Variants in EHBP1L1 observed in about 807,000 individuals in gnomAD.
EHBP1L1 encodes the protein EH domain binding protein 1 like 1, also known as EH domain-binding protein 1-like protein 1.
EHBP1L1 carries 122 observed loss-of-function variants against 151.1 expected under a neutral mutation model. The ratio of observed to expected loss-of-function variants is 0.81; its 90% confidence interval spans 0.70 to 0.94. The LOEUF is 0.94. Ranked by LOEUF, EHBP1L1 falls within the 40% of genes least tolerant of loss-of-function variation. The pLI, the probability that EHBP1L1 is intolerant of heterozygous loss-of-function variation, is 0.00. For synonymous variants in EHBP1L1, 878 were observed against 810.1 expected (o/e 1.08, Z -1.42); for missense variants, 1,941 against 1,959.8 (o/e 0.99, Z 0.18).
Position 65,585,184 on chromosome 11 carries a change from G to A in EHBP1L1, c.3526G>A (p.Gly1176Arg), listed in dbSNP as rs1277628263. Residue 1176 changes from glycine to arginine, a missense_variant, in exon 12 of 19, where the codon GGA becomes AGA. Gly to Arg is a moderately radical substitution (Grantham distance 125). Transcript: ENST00000309295. This position sits in a 1 kb window ranked among gnomAD's most constrained non-coding sequence, Gnocchi z 4.0. Reference sequence around the variant, plus strand: ...CAGCCCGCCCGACGACCTGGACGCCGGAGGCCTGGCGCAGCGGCTGCGCGG... The same window carrying A: ...CAGCCCGCCCGACGACCTGGACGCCAGAGGCCTGGCGCAGCGGCTGCGCGG... ...QPSPPDDLDA[G>R]GLAQRLRGHG... The A allele has an allele frequency of 1.6e-6, 2 of 1,279,920 alleles. No individual in the cohort carries two copies. Among genetic ancestry groups the A allele is most frequent in the African/African-American group, 1.6e-5 (1 of 62,374 alleles). 79.3% of individuals were successfully genotyped at this position (1,279,920 alleles called of 1,614,324 possible).
chr11:65,591,154 G>A (rs1858261064), intron 16 of EHBP1L1: 1 of 160,070 alleles, frequency 6.2e-6, no homozygotes, highest in Non-Finnish European at 1.4e-5. Flanking sequence ...GGGAGGCCGA[G>A]GCGGGCAGAT....
In EHBP1L1 at chr11:65,584,738, T is replaced by C. The variant is rs138542756; in HGVS notation, c.3300+204T>C. Reference sequence around the variant, plus strand: ...AGCGTTTTTCCTCCCTTAGATGGTTTTTCCAAAACCACCCTTTGGTAACGG... The same window carrying C: ...AGCGTTTTTCCTCCCTTAGATGGTTCTTCCAAAACCACCCTTTGGTAACGG... On this transcript the variant is annotated intron_variant, in intron 11 of 18. Coordinates refer to ENST00000309295, the MANE Select transcript of EHBP1L1 (RefSeq NM_001099409.3). 1.9e-5 allele frequency: 19 copies of C among 994,266 alleles called. No individual in the cohort carries two copies. The East Asian group carries it at 4.5e-4, about 23-fold the overall frequency. 61.6% of individuals were successfully genotyped at this position (994,266 alleles called of 1,614,324 possible). A position where few individuals can be genotyped will look rare whatever the true frequency, so the allele number is the denominator to read the frequency against.
intron 12 of EHBP1L1, among the ~76,000 whole-genome samples, chr11:65,587,615 A>C (rs1199687553): frequency 1.3e-5 from 2 of 152,244 alleles, no homozygotes; most frequent in African/African-American, 4.8e-5. Flanking sequence ...AAAAGGGGAG[A>C]TGTGTGTTTC....
rs774454462 is a variant in EHBP1L1 at position 65,581,130 on chromosome 11, A to G, written c.703+4A>G. 2 of 1,612,984 alleles carry G rather than the reference A, an allele frequency of 1.2e-6. No homozygotes were observed. Among genetic ancestry groups the G allele is most frequent in the Non-Finnish European group, 1.7e-6 (2 of 1,179,696 alleles). On this transcript the variant is annotated splice_donor_region_variant and intron_variant, in intron 7 of 18. Transcript: ENST00000309295. ...CAAGGACGACCCCAGCAGGCAGGTG[A>G]GACCCAGGCTGGGGTTGGGGGTGGA...
At position 65,581,645 on chromosome 11, in the gene EHBP1L1, C is replaced by G; in HGVS notation, c.973C>G (p.Pro325Ala). ...AGTCCCCCAGGGGGAAGATGAGGTC[C>G]CCAAAGCCTCAGGGGCTCCTCCAGC... ...PPVPQGEDEV[P>A]KASGAPPAGL... Residue 325 changes from proline (P) to alanine (A), a missense_variant, in exon 9 of 19, where the codon CCC (proline) becomes GCC (alanine). By Grantham distance (27) the Pro-to-Ala change is conservative. Coordinates refer to ENST00000309295, the MANE Select transcript of EHBP1L1 (RefSeq NM_001099409.3). 6.4e-7 allele frequency: 1 copy of G among 1,557,024 alleles called. No individual in the cohort carries two copies. Among genetic ancestry groups the G allele is most frequent in the African/African-American group, 1.4e-5 (1 of 73,366 alleles).
rs1241013788 is a variant in EHBP1L1, at chr11:65,581,692, G to A, written c.1020G>A (p.Glu340=). 2 of 1,577,756 alleles carry A rather than the reference G, an allele frequency of 1.3e-6. No homozygotes were observed. Among genetic ancestry groups the A allele is most frequent in the Non-Finnish European group, 1.7e-6 (2 of 1,162,174 alleles). The change falls in exon 9 of 19, where the codon GAG becomes GAA. Residue 340 remains glutamate, a synonymous_variant. Transcript: ENST00000309295. ...APPAGLGSAR[E]TQAQACPQEG... is the part of the protein sequence containing the mutation. ...CAGCAGGATTGGGCTCTGCTAGGGA[G>A]ACCCAGGCCCAGGCATGCCCTCAGG...
chr11:65,579,996 G>C lies in EHBP1L1; in HGVS notation c.312+7G>C. On this transcript the variant is annotated splice_region_variant and intron_variant, in intron 4 of 18. Coordinates refer to ENST00000309295, the MANE Select transcript of EHBP1L1 (RefSeq NM_001099409.3). ...GACATTTATTATTGAAAATGTGAGT[G>C]TCTGGAGTGGGCTCAGGTCTGGAAT... 1.2e-6 allele frequency: 2 copies of C among 1,613,962 alleles called. No individual in the cohort carries two copies. The highest frequency in any genetic ancestry group is 1.7e-6 in the Non-Finnish European group (2 of 1,179,870).
In EHBP1L1 at chr11:65,581,796, G is replaced by T. The variant is rs570312734; in HGVS notation, c.1124G>T (p.Arg375Ile). 1.9e-6 allele frequency: 3 copies of T among 1,613,464 alleles called. No homozygotes were observed. The highest frequency in any genetic ancestry group is 2.2e-5 in the South Asian group (2 of 91,010). ...TCTGGAGACCCTTTTGGAAGGCAGA[G>T]ACTCAAGGCTGAAGAGATGGACACT... ...KGSGDPFGRQ[R>I]LKAEEMDTED... The change falls in exon 9 of 19, where the codon AGA (arginine) becomes ATA (isoleucine). Residue 375 changes from arginine (R) to isoleucine (I), a missense_variant. Coordinates refer to ENST00000309295, the MANE Select transcript of EHBP1L1 (RefSeq NM_001099409.3).
chr11:65,588,465 G>C (rs1858090612), intron 12 of EHBP1L1, among the ~76,000 whole-genome samples: 1 of 152,182 alleles, frequency 6.6e-6, no homozygotes, highest in Non-Finnish European at 1.5e-5. Flanking sequence ...TTCAGCTTGA[G>C]TCAGCAGGCA....
In EHBP1L1 at chr11:65,581,102, G is replaced by A; in HGVS notation, c.679G>A (p.Gly227Ser). 6.2e-7 allele frequency: 1 copy of A among 1,612,906 alleles called. No individual in the cohort carries two copies. The highest frequency in any genetic ancestry group is 2.2e-5 in the East Asian group (1 of 44,874). ...GACGCTTTGTGAGGAGGAGGAGGAA[G>A]GCCAAGGACGACCCCAGCAGGCAGG... ...LKTLCEEEEEGQGRPQQAVAS... is the reference protein window; with the variant it reads ...LKTLCEEEEESQGRPQQAVAS... The change falls in exon 7 of 19, where the codon GGC (glycine) becomes AGC (serine). Residue 227 changes from glycine to serine, a missense_variant. By Grantham distance (56) the Gly-to-Ser change is moderately conservative. Coordinates refer to ENST00000309295, the MANE Select transcript of EHBP1L1 (RefSeq NM_001099409.3).
rs77541382 is a variant in EHBP1L1, at chr11:65,579,153, C to G, written c.162+18C>G. The stretch of plus-strand genomic sequence containing the variant: ...GCTCCAAGGTGGGGAAGGATGGCAA[C>G]TGGGGATCCAGGTTAGGGATGGGGG... On this transcript the variant is annotated intron_variant, in intron 2 of 18. Transcript: ENST00000309295. The G allele has an allele frequency of 2.8e-3, 4,424 of 1,582,614 alleles. 145 individuals are homozygous for G. The African/African-American group carries it at 0.055, about 20-fold the overall frequency.
chr11:65,591,888 CAGGGGCCGGG>C lies in EHBP1L1; in HGVS notation c.4357+19_4357+28del. ...GGCCATCGAAGGTGGGACATGGGCTCAGGGGCCGGGAGGCAAGACAGAGCCAGGGTGGAGG... is the reference window on the plus strand; with the variant it reads ...GGCCATCGAAGGTGGGACATGGGCTCAGGCAAGACAGAGCCAGGGTGGAGG... On this transcript the variant is annotated intron_variant, in intron 17 of 18. Coordinates refer to ENST00000309295, the MANE Select transcript of EHBP1L1 (RefSeq NM_001099409.3). 1 of 1,601,078 alleles carries C rather than the reference CAGGGGCCGGG, an allele frequency of 6.2e-7. No homozygotes were observed. The highest frequency in any genetic ancestry group is 1.1e-5 in the South Asian group (1 of 89,698).
At position 65,585,502 on chromosome 11, in the gene EHBP1L1, C is replaced by A. The variant is rs775103367; in HGVS notation, c.3844C>A (p.Leu1282Met). 1.9e-6 allele frequency: 3 copies of A among 1,560,860 alleles called. No homozygotes were observed. The highest frequency in any genetic ancestry group is 2.3e-5 in the South Asian group (2 of 85,818). The change falls in exon 12 of 19, where the codon CTG (leucine) becomes ATG (methionine). Residue 1282 changes from leucine to methionine, a missense_variant. By Grantham distance (15) the Leu-to-Met change is conservative (BLOSUM62 2). Transcript: ENST00000309295. The surrounding 1 kb of genome is among the most constrained non-coding windows in gnomAD (Gnocchi z 4.0). ...GSFSHVRDAD[L>M]LKKRRSRLRN... ...CTTCTCCCACGTGCGCGACGCGGAC[C>A]TGCTCAAGAAGAGGCGCTCGCGGCT...
At position 65,585,027 on chromosome 11, in the gene EHBP1L1, G is replaced by C. The variant is rs746085816; in HGVS notation, c.3369G>C (p.Ser1123=). The change falls in exon 12 of 19, where the codon TCG becomes TCC. Residue 1123 remains serine (S), a synonymous_variant. Coordinates refer to ENST00000309295, the MANE Select transcript of EHBP1L1 (RefSeq NM_001099409.3). The surrounding 1 kb of genome is among the most constrained non-coding windows in gnomAD (Gnocchi z 4.0). ...LLEPADMVLL[S]VPDKLIVMTY... ...AGCCCGCGGACATGGTGCTACTGTCGGTGCCCGACAAGCTCATCGTCATGA... is the reference window on the plus strand; with the variant it reads ...AGCCCGCGGACATGGTGCTACTGTCCGTGCCCGACAAGCTCATCGTCATGA... The C allele has an allele frequency of 2.3e-5, 36 of 1,536,718 alleles. No homozygotes were observed. In the South Asian group the frequency reaches 4.0e-4, roughly 17 times the overall value.
chr11:65,591,835 T>G lies in EHBP1L1; in HGVS notation c.4319T>G (p.Leu1440Arg), dbSNP rs1480666217. 7.2e-7 allele frequency: 1 copy of G among 1,395,008 alleles called. No homozygotes were observed. The highest frequency in any genetic ancestry group is 9.5e-7 in the Non-Finnish European group (1 of 1,051,762). 86.4% of individuals were successfully genotyped at this position (1,395,008 alleles called of 1,614,324 possible). Residue 1440 changes from leucine to arginine, a missense_variant, in exon 17 of 19, where the codon CTG (leucine) becomes CGG (arginine). Leu to Arg is a moderately radical substitution (Grantham distance 102). Transcript: ENST00000309295. ...CAGGACTTGGAGCGAAGGTTCGAGC[T>G]GCTGAGCCGCGAGCTGCGGGCCATG... is the stretch of plus-strand genomic sequence containing the variant. ...EEQDLERRFE[L>R]LSRELRAMLA...
At position 65,581,461 on chromosome 11, in the gene EHBP1L1, C is replaced by T. The variant is rs991993651; in HGVS notation, c.867-78C>T. 3.5e-6 allele frequency: 5 copies of T among 1,422,768 alleles called. No individual in the cohort carries two copies. In the African/African-American group the frequency reaches 5.8e-5, roughly 16 times the overall value. The allele number at this position is 1,422,768 out of a possible 1,614,324, so 88.1% of individuals were successfully genotyped here. ...CACCAACCTGCCTCCAGGGCCCCAA[C>T]AGTCTGAAGGGTGGCGGATGGTGCT... On this transcript the variant is annotated intron_variant, in intron 8 of 18. Transcript: ENST00000309295.
In EHBP1L1 at chr11:65,592,251, C is replaced by A; in HGVS notation, c.4521C>A (p.Arg1507=). The A allele has an allele frequency of 6.5e-7, 1 of 1,533,908 alleles. No homozygotes were observed. The highest frequency in any genetic ancestry group is 8.7e-7 in the Non-Finnish European group (1 of 1,146,274). ...ERLERGLEQR[R]RKLSRQLSRR... ...TGGAGCGCGGCCTGGAACAGCGGCG[C>A]CGCAAGCTGAGCCGGCAGTTGAGCC... is the stretch of plus-strand genomic sequence containing the variant. Residue 1507 remains arginine (R), a synonymous_variant, in exon 19 of 19, where the codon CGC becomes CGA. Transcript: ENST00000309295.
chr11:65,588,840 C>G (rs1348060693), intron 12 of EHBP1L1, among the ~76,000 whole-genome samples: 1 of 152,208 alleles, frequency 6.6e-6, no homozygotes, highest in Non-Finnish European at 1.5e-5. Flanking sequence ...ATGCAGCAGC[C>G]GCTCCTGGGT....
rs754651986 is a variant in EHBP1L1 at position 65,579,938 on chromosome 11, C to G, written c.261C>G (p.Asp87Glu). The change falls in exon 4 of 19, where the codon GAC becomes GAG. Residue 87 changes from aspartate (D) to glutamate (E), a missense_variant and splice_region_variant. Physicochemically the swap from Asp to Glu is conservative, Grantham distance 45. Transcript: ENST00000309295. ...NVDISVTLYRDPHVDQYEAKE... is the reference protein window; with the variant it reads ...NVDISVTLYREPHVDQYEAKE... ...CTCACCAGCACCCTTCTTCCCAGGACCCCCACGTGGACCAGTATGAGGCCA... is the reference window on the plus strand; with the variant it reads ...CTCACCAGCACCCTTCTTCCCAGGAGCCCCACGTGGACCAGTATGAGGCCA... The G allele has an allele frequency of 1.2e-6, 2 of 1,613,622 alleles. No homozygotes were observed. Among genetic ancestry groups the G allele is most frequent in the Non-Finnish European group, 1.7e-6 (2 of 1,179,822 alleles).
Sources: gnomAD v4.1 joint callset for allele counts (sites outside exome capture counted in the v4.1 genomes callset) on GRCh38, gnomAD v4.1.1 for gene constraint, Gnocchi (gnomAD v3.1) non-coding constraint, MANE v1.5 for transcripts, NCBI Gene and HGNC (gene_info 2026-07-23, HGNC 2026-07-21) for gene names.